RGS7: variants seen among roughly 807,000 people sequenced by gnomAD.
RGS7 encodes regulator of G protein signaling 7, also known as regulator of G-protein signaling 7.
In RGS7, 27 loss-of-function variants were observed where a neutral mutation model predicts 81.1. That is an observed-to-expected ratio of 0.33 (90% CI 0.25 to 0.46). The LOEUF (loss-of-function observed/expected upper bound fraction) is 0.46. RGS7 is among the 20% of genes least tolerant of loss of function. The probability of loss-of-function intolerance (pLI) is 1.00; values close to 1 mark genes in which losing one functional copy is unlikely to be tolerated. For synonymous variants in RGS7, 208 were observed against 207.7 expected (o/e 1.00, Z -0.01); for missense variants, 396 against 607.4 (o/e 0.65, Z 3.66).
chr1:241,181,485 A>G (rs1039858313), intron 2 of RGS7, among the ~76,000 whole-genome samples: 2 of 152,214 alleles, frequency 1.3e-5, no homozygotes, highest in East Asian at 1.9e-4. Context: ...CTAAATAGTC[A>G]ATGTTCAATA....
rs2073164992 is a variant in RGS7 at position 241,197,496 on chromosome 1, C to T, written c.79-98734G>A. 3.4e-4 allele frequency among the ~76,000 whole-genome samples: 2 copies of T among 5,886 alleles called. 1 individual carries two copies. Among genetic ancestry groups the T allele is most frequent in the Non-Finnish European group, 9.5e-4 (2 of 2,108 alleles). 3.9% of individuals were successfully genotyped at this position (5,886 alleles called of 152,430 possible). A position where few individuals can be genotyped will look rare whatever the true frequency, so the allele number is the denominator to read the frequency against. On this transcript the variant is annotated intron_variant, in intron 2 of 18. Transcript: ENST00000440928. ...GTCTCGATCTCCTGACCTCGTGATC[C>T]GCCCGCCTCGGCCTCCCAAAGTGCT...
intron 4 of RGS7, among the ~76,000 whole-genome samples, chr1:240,944,969 C>T (rs1678361680): frequency 6.6e-6 from 1 of 152,130 alleles, no homozygotes; most frequent in Non-Finnish European, 1.5e-5. Context: ...CCTCGGCCTT[C>T]CCAAGCATTG....
intron 3 of RGS7, among the ~76,000 whole-genome samples, chr1:241,035,524 C>A (rs755125437): frequency 6.6e-6 from 1 of 152,134 alleles, no homozygotes; most frequent in Non-Finnish European, 1.5e-5. Flanking sequence ...TCGATGACAT[C>A]TCTCAGAGTG....
chr1:241,351,423 T>TAA (rs35604303), intron 2 of RGS7, among the ~76,000 whole-genome samples: 5,322 of 145,730 alleles, frequency 0.037, 270 homozygotes, highest in African/African-American at 0.11. Context: ...TGACTTTATT[T>TAA]AAAAAAAAAA....
rs569035178 is a variant in RGS7, at chr1:241,022,114, C to G, written c.176-38985G>C. Reference sequence around the variant, plus strand: ...GATTATATACAAGGGGGTTACTATTCAAAACCTCATTATTCCTTATAATAG... The same window carrying G: ...GATTATATACAAGGGGGTTACTATTGAAAACCTCATTATTCCTTATAATAG... On this transcript the variant is annotated intron_variant, in intron 3 of 18. Coordinates refer to ENST00000440928, the MANE Select transcript of RGS7 (RefSeq NM_001364886.1). 8.5e-5 allele frequency among the ~76,000 whole-genome samples: 13 copies of G among 152,320 alleles called. No individual in the cohort carries two copies. The East Asian group carries it at 2.5e-3, about 29-fold the overall frequency.
chr1:240,818,793 G>A (rs1193258954), intron 10 of RGS7, among the ~76,000 whole-genome samples: 3 of 152,144 alleles, frequency 2.0e-5, no homozygotes, highest in African/African-American at 7.2e-5. Flanking sequence ...AGGGGGTGAG[G>A]AAAAGAAAGC....
At chr1:241,139,898 T>A (rs1179201315) in intron 2 of RGS7, among the ~76,000 whole-genome samples, 1 of 152,260 alleles carries the variant, frequency 6.6e-6, no homozygotes, top group Non-Finnish European at 1.5e-5. Context: ...TTAAGAGTAT[T>A]GTCTTGGTGT....
chr1:241,092,954 G>C (rs779730727), intron 3 of RGS7, among the ~76,000 whole-genome samples: 4 of 151,760 alleles, frequency 2.6e-5, no homozygotes, highest in Non-Finnish European at 5.9e-5. Flanking sequence ...ATTTAGCAGT[G>C]AACTTCTTGG....
chr1:241,271,183 G>A lies in RGS7; in HGVS notation c.78+84516C>T, dbSNP rs1259188454. ...GTGGCTAAAACGTCTCCTTTATAAT[G>A]TGGAGCTAAACAGTTCAAAATCTTG... On this transcript the variant is annotated intron_variant, in intron 2 of 18. Coordinates refer to ENST00000440928, the MANE Select transcript of RGS7 (RefSeq NM_001364886.1). The surrounding 1 kb of genome is among the most constrained non-coding windows in gnomAD (Gnocchi z 4.6). 6.6e-6 allele frequency among the ~76,000 whole-genome samples: 1 copy of A among 152,044 alleles called. No individual in the cohort carries two copies. Among genetic ancestry groups the A allele is most frequent in the Non-Finnish European group, 1.5e-5 (1 of 68,018 alleles).
At chr1:240,779,124 T>C (rs1683514032) in intron 18 of RGS7, among the ~76,000 whole-genome samples, 1 of 151,654 alleles carries the variant, frequency 6.6e-6, no homozygotes. Context: ...TGTGTGTGTG[T>C]GTGTGTGTGT....
At chr1:241,205,620 T>C (rs2073828710) in intron 2 of RGS7, among the ~76,000 whole-genome samples, 1 of 151,596 alleles carries the variant, frequency 6.6e-6, no homozygotes, top group Non-Finnish European at 1.5e-5. Context: ...ACCCAGCTAA[T>C]TTTTGTATTT....
intron 2 of RGS7, among the ~76,000 whole-genome samples, chr1:241,142,443 C>T (rs540611958): frequency 1.2e-4 from 18 of 152,322 alleles, no homozygotes; most frequent in African/African-American, 3.4e-4. Context: ...CTGAAATCCA[C>T]GCAGAGTTTC....
At chr1:241,168,471 C>A (rs2070449964) in intron 2 of RGS7, among the ~76,000 whole-genome samples, 1 of 152,138 alleles carries the variant, frequency 6.6e-6, no homozygotes, top group Non-Finnish European at 1.5e-5. Flanking sequence ...GATTCCCGCC[C>A]CAGCATCAGT....
intron 2 of RGS7, among the ~76,000 whole-genome samples, chr1:241,209,439 A>C (rs564101889): frequency 6.6e-6 from 1 of 152,330 alleles, no homozygotes; most frequent in East Asian, 1.9e-4. Flanking sequence ...AAGACTTAGG[A>C]GTTTTAATTT....
intron 9 of RGS7, among the ~76,000 whole-genome samples, chr1:240,860,940 A>G (rs946233438): frequency 3.9e-5 from 6 of 152,136 alleles, no homozygotes; most frequent in Non-Finnish European, 5.9e-5. Flanking sequence ...ATCTGCTACG[A>G]ACCCTTAGCA....
chr1:241,342,360 G>T (rs114018938), intron 2 of RGS7, among the ~76,000 whole-genome samples: 2 of 152,200 alleles, frequency 1.3e-5, no homozygotes, highest in South Asian at 4.1e-4. Flanking sequence ...CTATTTTAAC[G>T]TCCAGTGGAA....
intron 2 of RGS7, among the ~76,000 whole-genome samples, chr1:241,291,037 T>G (rs1378774621): frequency 6.6e-6 from 1 of 152,222 alleles, no homozygotes; most frequent in Non-Finnish European, 1.5e-5. Flanking sequence ...TTTCTTGATT[T>G]AAAGGATTTC....
intron 15 of RGS7, among the ~76,000 whole-genome samples, chr1:240,804,591 A>G (rs866773570): frequency 6.6e-6 from 1 of 152,204 alleles, no homozygotes; most frequent in African/African-American, 2.4e-5. Flanking sequence ...TTTTTAAATG[A>G]CACCGATAAC....
chr1:240,869,751 C>T (rs1309010947), intron 7 of RGS7, among the ~76,000 whole-genome samples: 3 of 151,890 alleles, frequency 2.0e-5, no homozygotes, highest in Non-Finnish European at 4.4e-5. Flanking sequence ...ACCAGCCTGG[C>T]CAACATGACG....
Sources: allele counts gnomAD v4.1 joint callset (sites outside exome capture counted in the v4.1 genomes callset), GRCh38; gene constraint gnomAD v4.1.1; non-coding constraint Gnocchi (gnomAD v3.1); transcripts MANE v1.5; gene names NCBI Gene and HGNC (gene_info 2026-07-23, HGNC 2026-07-21).